The following ATP9A variants were observed in gnomAD, a reference collection of about 807,000 sequenced individuals.
ATP9A encodes the protein ATPase phospholipid transporting 9A, also known as probable phospholipid-transporting ATPase IIA.
In ATP9A, 52 loss-of-function variants were observed where a neutral mutation model predicts 144.1. That is an observed-to-expected ratio of 0.36 (90% confidence interval 0.29 to 0.45). The LOEUF (loss-of-function observed/expected upper bound fraction) is 0.45. ATP9A is among the 20% of genes least tolerant of loss of function. The pLI, the probability that ATP9A is intolerant of heterozygous loss-of-function variation, is 1.00. For missense variants in ATP9A, 947 were observed against 1,392.7 expected (o/e 0.68, Z 5.09); for synonymous variants, 582 against 557.4 (o/e 1.04, Z -0.62).
chr20:51,763,634 T>G lies in ATP9A; in HGVS notation c.68+4668A>C, dbSNP rs139990456. Among the ~76,000 whole-genome samples the G allele has an allele frequency of 2.0e-3, 307 of 152,280 alleles. 2 individuals are homozygous for G. Among genetic ancestry groups the G allele is most frequent in the African/African-American group, 6.7e-3 (277 of 41,556 alleles). Reference sequence around the variant, plus strand: ...GGCCAGTTTACATACTTTCAATAGATGTATGCTATATAAATTATACTTCAA... The same window carrying G: ...GGCCAGTTTACATACTTTCAATAGAGGTATGCTATATAAATTATACTTCAA... On this transcript the variant is annotated intron_variant, in intron 1 of 27. Coordinates refer to ENST00000338821, the MANE Select transcript of ATP9A (RefSeq NM_006045.3).
At chr20:51,676,944 T>G (rs1043071310) in intron 9 of ATP9A, among the ~76,000 whole-genome samples, 1 of 116,318 alleles carries the variant, frequency 8.6e-6, no homozygotes, top group African/African-American at 3.3e-5. Flanking sequence ...TTTTTTTTTT[T>G]TGAGAGAGGG....
intron 7 of ATP9A, among the ~76,000 whole-genome samples, chr20:51,693,392 G>A (rs560594554): frequency 6.6e-6 from 1 of 152,332 alleles, no homozygotes; most frequent in East Asian, 1.9e-4. Flanking sequence ...GTAGGCAGAG[G>A]AGAGAGGGCC....
intron 13 of ATP9A, among the ~76,000 whole-genome samples, chr20:51,666,308 C>T (rs1270851956): frequency 6.6e-6 from 1 of 152,164 alleles, no homozygotes; most frequent in African/African-American, 2.4e-5. Context: ...CCTGTTAAAA[C>T]TGCAGGTCTG....
chr20:51,641,573 G>A (rs1259793392), intron 14 of ATP9A, among the ~76,000 whole-genome samples: 2 of 151,550 alleles, frequency 1.3e-5, no homozygotes, highest in East Asian at 3.9e-4. Flanking sequence ...TCAGCACTTT[G>A]GGAGGCTGAG....
chr20:51,678,202 T>C (rs553161567), intron 9 of ATP9A, among the ~76,000 whole-genome samples: 15 of 152,002 alleles, frequency 9.9e-5, no homozygotes, highest in Admixed American at 2.6e-4. Context: ...GAGCCAAAAC[T>C]TGGAACACGA....
At chr20:51,705,269 T>C (rs2077610396) in intron 4 of ATP9A, among the ~76,000 whole-genome samples, 1 of 152,202 alleles carries the variant, frequency 6.6e-6, no homozygotes, top group African/African-American at 2.4e-5. Context: ...TCACATTAAT[T>C]GCAATCCTAG....
At chr20:51,617,467 C>T (rs2077207886) in intron 22 of ATP9A, 23 bp downstream of exon 22, 3 of 1,601,160 alleles carry the variant, frequency 1.9e-6, no homozygotes, top group African/African-American at 1.3e-5. Context: ...CAAGTGGAGC[C>T]GAGCAGAGGG....
intron 26 of ATP9A, among the ~76,000 whole-genome samples, chr20:51,606,932 A>G: frequency 6.6e-6 from 1 of 150,576 alleles, no homozygotes; most frequent in Non-Finnish European, 1.5e-5. Context: ...TTATAAGTAT[A>G]TAAAATCTAT....
In ATP9A at chr20:51,688,966, A is replaced by T. The variant is rs568372486; in HGVS notation, c.799+98T>A. ...ACAAGTGGAAAATGCCATTTGACCG[A>T]GCACTCATTTTTCCAACTGACAGAT... is the stretch of plus-strand genomic sequence containing the variant. On this transcript the variant is annotated intron_variant, in intron 9 of 27. Transcript: ENST00000338821. 23 of 1,293,440 alleles carry T rather than the reference A, an allele frequency of 1.8e-5. No individual in the cohort carries two copies. In the East Asian group the frequency reaches 4.2e-4, roughly 23 times the overall value. The allele number at this position is 1,293,440 out of a possible 1,614,324, so 80.1% of individuals were successfully genotyped here. A position where few individuals can be genotyped will look rare whatever the true frequency, so the allele number is the denominator to read the frequency against.
intron 1 of ATP9A, among the ~76,000 whole-genome samples, chr20:51,742,288 G>A (rs1057116830): frequency 1.4e-5 from 2 of 147,612 alleles, no homozygotes; most frequent in Non-Finnish European, 3.0e-5. Context: ...TCATGCCACT[G>A]TACTGCAGTC....
At chr20:51,636,166 C>T (rs887078123) in intron 15 of ATP9A, among the ~76,000 whole-genome samples, 1 of 152,104 alleles carries the variant, frequency 6.6e-6, no homozygotes, top group African/African-American at 2.4e-5. Context: ...AACGCAAGCA[C>T]GGCAATACCA....
chr20:51,689,986 C>T (rs1367732888), intron 8 of ATP9A, among the ~76,000 whole-genome samples: 4 of 151,172 alleles, frequency 2.6e-5, no homozygotes, highest in Non-Finnish European at 5.9e-5. Flanking sequence ...GTGATGCACA[C>T]CTGGAATCCC....
At chr20:51,682,718 A>T (rs2077505524) in intron 9 of ATP9A, among the ~76,000 whole-genome samples, 1 of 147,220 alleles carries the variant, frequency 6.8e-6, no homozygotes, top group Non-Finnish European at 1.5e-5. Context: ...CAGCCTCCTG[A>T]GTAACTGAGA....
chr20:51,602,059 G>C (rs2077145418), intron 27 of ATP9A, among the ~76,000 whole-genome samples: 1 of 152,166 alleles, frequency 6.6e-6, no homozygotes, highest in South Asian at 2.1e-4. Context: ...TCTGCTTCCA[G>C]TGATGGTCGC....
chr20:51,670,229 G>A, intron 12 of ATP9A, 120 bp from the exon 13 acceptor site: 1 of 724,222 alleles, frequency 1.4e-6, no homozygotes, highest in South Asian at 1.7e-5. Context: ...AGTCAGTACT[G>A]TCCCTGCTGG....
At chr20:51,712,275 C>T (rs1488366055) in intron 4 of ATP9A, among the ~76,000 whole-genome samples, 6 of 152,064 alleles carry the variant, frequency 3.9e-5, no homozygotes, top group African/African-American at 1.2e-4. Context: ...AGGGTTTCAC[C>T]ATGTTAGCCA....
At chr20:51,621,674 G>A (rs2077227524) in intron 19 of ATP9A, among the ~76,000 whole-genome samples, 1 of 152,160 alleles carries the variant, frequency 6.6e-6, no homozygotes, top group Non-Finnish European at 1.5e-5. Flanking sequence ...AGTATCTGTG[G>A]CCTGGAATTT....
At chr20:51,721,295 C>T (rs1422323262) in intron 3 of ATP9A, among the ~76,000 whole-genome samples, 1 of 152,164 alleles carries the variant, frequency 6.6e-6, no homozygotes, top group East Asian at 1.9e-4. Flanking sequence ...GAGCCTAAAT[C>T]TTTTTTATGT....
intron 17 of ATP9A, among the ~76,000 whole-genome samples, chr20:51,627,305 T>A (rs1174657954): frequency 6.6e-6 from 1 of 151,940 alleles, no homozygotes; most frequent in Admixed American, 6.6e-5. Flanking sequence ...AGTGAAATGG[T>A]ATGATGGATG....
Sources: allele counts gnomAD v4.1 joint callset (sites outside exome capture counted in the v4.1 genomes callset), GRCh38; gene constraint gnomAD v4.1.1; transcripts MANE v1.5; gene names NCBI Gene and HGNC (gene_info 2026-07-23, HGNC 2026-07-21).